The following VEPH1 variants were observed in gnomAD, a reference collection of about 807,000 sequenced individuals.
The protein encoded by VEPH1 is ventricular zone expressed PH domain containing 1, also known as ventricular zone-expressed PH domain-containing protein homolog 1.
VEPH1 carries 80 observed loss-of-function variants against 85.2 expected under a neutral mutation model. The ratio of observed to expected loss-of-function variants is 0.94; its 90% confidence interval spans 0.78 to 1.13. VEPH1 has a LOEUF of 1.13. Ranked by LOEUF, VEPH1 falls within the 50% of genes most tolerant of loss-of-function variation. The probability of loss-of-function intolerance (pLI) is 0.00; values close to 1 mark genes in which losing one functional copy is unlikely to be tolerated. For synonymous variants in VEPH1, 297 were observed against 348.0 expected, an observed-to-expected ratio of 0.85 and a Z score of 1.63; for missense variants, 955 against 980.5, an observed-to-expected ratio of 0.97 and a Z score of 0.35.
At chr3:157,324,469 T>G (rs985746990) in intron 9 of VEPH1, among the ~76,000 whole-genome samples, 1 of 152,152 alleles carries the variant, frequency 6.6e-6, no homozygotes, top group African/African-American at 2.4e-5. Flanking sequence ...ATCCACTAAC[T>G]ATTCTTCCTG....
chr3:157,310,735 A>C (rs1259186906), intron 11 of VEPH1, among the ~76,000 whole-genome samples: 2 of 152,176 alleles, frequency 1.3e-5, no homozygotes, highest in Non-Finnish European at 2.9e-5. Context: ...TTTTGCTCCT[A>C]CAATCATCAT....
chr3:157,404,555 G>A (rs1369436599), intron 6 of VEPH1, among the ~76,000 whole-genome samples: 1 of 152,146 alleles, frequency 6.6e-6, no homozygotes, highest in Non-Finnish European at 1.5e-5. Context: ...GAACAGAAGA[G>A]TGAGAAAGAG....
Position 157,418,049 on chromosome 3 carries a change from A to G in VEPH1, c.697-3959T>C, listed in dbSNP as rs140862892. On this transcript the variant is annotated intron_variant, in intron 5 of 13. Coordinates refer to ENST00000362010, the MANE Select transcript of VEPH1 (RefSeq NM_001167912.2). ...CAAGAATATGGGGTCAACTGTCGGC[A>G]TGGCTTGTTCTCAGGAGAATAGACC... is the stretch of plus-strand genomic sequence containing the variant. 2.5e-3 allele frequency among the ~76,000 whole-genome samples: 377 copies of G among 152,302 alleles called. 1 individual carries two copies. Among genetic ancestry groups the G allele is most frequent in the African/African-American group, 8.9e-3 (368 of 41,570 alleles).
In VEPH1 at chr3:157,334,368, GC is replaced by G. The variant is rs1423591459; in HGVS notation, c.1736-17168del. 2.0e-5 allele frequency among the ~76,000 whole-genome samples: 3 copies of G among 152,266 alleles called. No homozygotes were observed. The East Asian group carries it at 5.8e-4, about 29-fold the overall frequency. The stretch of plus-strand genomic sequence containing the variant: ...GTCTTAAGGAAATTCAGTTCTTCAG[GC>G]TACAGGTAAGACTGGAAGCCTCTGA... On this transcript the variant is annotated intron_variant, in intron 9 of 13. Transcript: ENST00000362010.
intron 10 of VEPH1, among the ~76,000 whole-genome samples, chr3:157,316,834 AG>A (rs1384129387): frequency 6.6e-6 from 1 of 152,134 alleles, no homozygotes; most frequent in Non-Finnish European, 1.5e-5. Flanking sequence ...TTTAAAGCTA[AG>A]GATATTTAAG....
chr3:157,451,083 T>C (rs966022515), intron 4 of VEPH1, among the ~76,000 whole-genome samples: 3 of 152,266 alleles, frequency 2.0e-5, no homozygotes, highest in Non-Finnish European at 2.9e-5. Flanking sequence ...ATATCCTGGC[T>C]ATACTAGCCC....
At chr3:157,328,137 A>G (rs930553927) in intron 9 of VEPH1, among the ~76,000 whole-genome samples, 1 of 152,220 alleles carries the variant, frequency 6.6e-6, no homozygotes, top group Non-Finnish European at 1.5e-5. Flanking sequence ...CTGAGATTAG[A>G]GTGGCTCCTG....
chr3:157,450,070 T>G (rs1182806036), intron 4 of VEPH1, among the ~76,000 whole-genome samples: 1 of 128,834 alleles, frequency 7.8e-6, no homozygotes, highest in Non-Finnish European at 1.6e-5. Flanking sequence ...TTTTTTTTTT[T>G]TTTGAGACAG....
intron 6 of VEPH1, among the ~76,000 whole-genome samples, chr3:157,393,180 T>C (rs1205525156): frequency 5.3e-5 from 8 of 152,174 alleles, no homozygotes; most frequent in African/African-American, 1.9e-4. Flanking sequence ...ATAATGATGA[T>C]GGTAGAGAGA....
At chr3:157,374,710 A>G (rs1484177538) in intron 7 of VEPH1, among the ~76,000 whole-genome samples, 1 of 152,192 alleles carries the variant, frequency 6.6e-6, no homozygotes, top group Non-Finnish European at 1.5e-5. Context: ...TGGGTGGAAA[A>G]GGCCTCATGG....
intron 13 of VEPH1, among the ~76,000 whole-genome samples, chr3:157,261,988 C>T (rs1712969856): frequency 6.6e-6 from 1 of 152,162 alleles, no homozygotes; most frequent in South Asian, 2.1e-4. Flanking sequence ...TTTAAGGGGC[C>T]AGATATTTCT....
At chr3:157,383,458 A>G (rs1256669850) in intron 6 of VEPH1, among the ~76,000 whole-genome samples, 3 of 152,256 alleles carry the variant, frequency 2.0e-5, no homozygotes, top group Non-Finnish European at 4.4e-5. Flanking sequence ...ATATATCAAA[A>G]TATGACCTTA....
intron 6 of VEPH1, among the ~76,000 whole-genome samples, chr3:157,396,444 G>C (rs747767018): frequency 6.6e-6 from 1 of 152,118 alleles, no homozygotes; most frequent in Non-Finnish European, 1.5e-5. Flanking sequence ...ATATTCCTTT[G>C]TGTATATACC....
intron 3 of VEPH1, among the ~76,000 whole-genome samples, chr3:157,464,140 T>G (rs981825559): frequency 5.3e-5 from 8 of 152,214 alleles, no homozygotes; most frequent in African/African-American, 1.9e-4. Context: ...CCTGCTCCCT[T>G]GACTTACATT....
chr3:157,272,922 T>C (rs982026404), intron 12 of VEPH1, among the ~76,000 whole-genome samples: 11 of 152,208 alleles, frequency 7.2e-5, no homozygotes, highest in Admixed American at 6.5e-4. Flanking sequence ...GATCTGCTTT[T>C]GACTAGACCA....
chr3:157,481,689 T>A (rs906693536), intron 2 of VEPH1, among the ~76,000 whole-genome samples: 2 of 152,156 alleles, frequency 1.3e-5, no homozygotes, highest in African/African-American at 2.4e-5. Context: ...AAGACCAATG[T>A]CCAAAATGGT....
chr3:157,437,685 G>C, intron 4 of VEPH1: 1 of 1,534,174 alleles, frequency 6.5e-7, no homozygotes, highest in Non-Finnish European at 8.7e-7. Flanking sequence ...GCCTGGCGAG[G>C]CCGTGCGCGC....
chr3:157,381,124 G>A, intron 7 of VEPH1, 32 bp downstream of exon 7: 1 of 1,608,750 alleles, frequency 6.2e-7, no homozygotes, highest in Non-Finnish European at 8.5e-7. Context: ...GTGCACAGCA[G>A]CTCCCTGAGG....
intron 9 of VEPH1, among the ~76,000 whole-genome samples, chr3:157,328,313 A>G (rs940453381): frequency 6.6e-6 from 1 of 152,180 alleles, no homozygotes; most frequent in Non-Finnish European, 1.5e-5. Context: ...TGTTACTGCT[A>G]CTATTGTATA....
Sources: allele counts gnomAD v4.1 joint callset (sites outside exome capture counted in the v4.1 genomes callset), GRCh38; gene constraint gnomAD v4.1.1; transcripts MANE v1.5; gene names NCBI Gene and HGNC (gene_info 2026-07-23, HGNC 2026-07-21).